ZNF804A: variants seen among roughly 807,000 people sequenced by gnomAD.
ZNF804A encodes zinc finger protein 804A.
In ZNF804A, 2 loss-of-function variants were observed where a neutral mutation model predicts 16.5. That is an observed-to-expected ratio of 0.12 (90% confidence interval 0.05 to 0.38). The LOEUF (loss-of-function observed/expected upper bound fraction) is 0.38, where lower values mean the gene tolerates loss of function less well. ZNF804A is among the 10% of genes least tolerant of loss of function. The probability of loss-of-function intolerance (pLI) is 0.99; values close to 1 mark genes in which losing one functional copy is unlikely to be tolerated. For synonymous variants in ZNF804A, 534 were observed against 489.6 expected, an observed-to-expected ratio of 1.09 and a Z score of -1.20; for missense variants, 1,473 against 1,390.7, an observed-to-expected ratio of 1.06 and a Z score of -0.94.
At chr2:184,874,275 C>T (rs970865651) in intron 2 of ZNF804A, among the ~76,000 whole-genome samples, 3 of 151,960 alleles carry the variant, frequency 2.0e-5, no homozygotes, top group African/African-American at 4.8e-5. Context: ...CCATAGGAGA[C>T]GTAACCATGT....
chr2:184,680,518 C>T (rs184277446), intron 1 of ZNF804A, among the ~76,000 whole-genome samples: 25 of 152,342 alleles, frequency 1.6e-4, no homozygotes, highest in Non-Finnish European at 3.4e-4. Context: ...TGCAAAAGAG[C>T]CACCTGCCTG....
intron 1 of ZNF804A, among the ~76,000 whole-genome samples, chr2:184,727,220 C>T (rs1453913996): frequency 6.6e-6 from 1 of 151,510 alleles, no homozygotes; most frequent in Non-Finnish European, 1.5e-5. Context: ...TTATAAAATA[C>T]CACATTAACC....
intron 1 of ZNF804A, among the ~76,000 whole-genome samples, chr2:184,616,517 C>A (rs1691323097): frequency 6.6e-6 from 1 of 152,050 alleles, no homozygotes; most frequent in Non-Finnish European, 1.5e-5. Flanking sequence ...ACGATTATTT[C>A]CATCTTATAG....
chr2:184,674,793 T>C (rs887860997), intron 1 of ZNF804A, among the ~76,000 whole-genome samples: 1 of 52,660 alleles, frequency 1.9e-5, no homozygotes, highest in African/African-American at 4.7e-5. Context: ...ATTTTCCAAG[T>C]CTAAAAAAAG....
intron 1 of ZNF804A, among the ~76,000 whole-genome samples, chr2:184,745,910 T>A (rs1693783026): frequency 6.6e-6 from 1 of 151,668 alleles, no homozygotes; most frequent in Non-Finnish European, 1.5e-5. Flanking sequence ...AGTGTATGAA[T>A]TATTTAAAGT....
At chr2:184,818,800 T>A (rs1695024992) in intron 1 of ZNF804A, among the ~76,000 whole-genome samples, 2 of 150,480 alleles carry the variant, frequency 1.3e-5, no homozygotes, top group African/African-American at 4.9e-5. Context: ...TGGAAAAAAA[T>A]AAAAAAGACA....
At position 184,937,249 on chromosome 2, in the gene ZNF804A, G is replaced by A; in HGVS notation, c.1853G>A (p.Cys618Tyr). 3 of 1,611,736 alleles carry A rather than the reference G, an allele frequency of 1.9e-6. No homozygotes were observed. Among genetic ancestry groups the A allele is most frequent in the Non-Finnish European group, 2.5e-6 (3 of 1,179,404 alleles). Residue 618 changes from cysteine (C) to tyrosine (Y), a missense_variant, in exon 4 of 4, where the codon TGC (cysteine) becomes TAC (tyrosine). Transcript: ENST00000302277. ...AAAACCAAAGAATCAGAAACTCGCTGCAAAATGGAAGCAGAGAATAGTTAC... is the reference window on the plus strand; with the variant it reads ...AAAACCAAAGAATCAGAAACTCGCTACAAAATGGAAGCAGAGAATAGTTAC... ...MEKTKESETR[C>Y]KMEAENSYTE... is the part of the protein sequence containing the mutation.
chr2:184,646,915 G>C (rs562029600), intron 1 of ZNF804A, among the ~76,000 whole-genome samples: 2 of 152,292 alleles, frequency 1.3e-5, no homozygotes, highest in South Asian at 4.1e-4. Flanking sequence ...GCCACCTGGG[G>C]AGTGAGCAGG....
intron 1 of ZNF804A, among the ~76,000 whole-genome samples, chr2:184,655,822 A>G (rs1343895794): frequency 1.3e-5 from 2 of 152,162 alleles, no homozygotes; most frequent in Non-Finnish European, 2.9e-5. Context: ...TAAAAAAGAA[A>G]GAAAATAGAA....
chr2:184,736,878 T>A (rs1363310140), intron 1 of ZNF804A, among the ~76,000 whole-genome samples: 3 of 150,556 alleles, frequency 2.0e-5, no homozygotes, highest in Non-Finnish European at 4.4e-5. Flanking sequence ...TTTTTCTGCA[T>A]AAAGCACTGG....
At chr2:184,694,317 G>A (rs1207915455) in intron 1 of ZNF804A, among the ~76,000 whole-genome samples, 2 of 151,988 alleles carry the variant, frequency 1.3e-5, no homozygotes, top group African/African-American at 2.4e-5. Flanking sequence ...AAATTTCAGT[G>A]TCAAATGGAG....
chr2:184,864,521 T>A (rs956604091), intron 1 of ZNF804A, among the ~76,000 whole-genome samples: 1 of 152,186 alleles, frequency 6.6e-6, no homozygotes, highest in Non-Finnish European at 1.5e-5. Context: ...TAGATTATTA[T>A]CTTTAAAATG....
chr2:184,703,783 A>ATGAATGC (rs779311730), intron 1 of ZNF804A, among the ~76,000 whole-genome samples: 5 of 151,950 alleles, frequency 3.3e-5, no homozygotes, highest in Non-Finnish European at 7.4e-5. Flanking sequence ...TATATTTTGA[A>ATGAATGC]TGAATGCTGC....
intron 1 of ZNF804A, among the ~76,000 whole-genome samples, chr2:184,770,051 T>C (rs1004448443): frequency 2.6e-5 from 4 of 152,110 alleles, no homozygotes; most frequent in African/African-American, 7.2e-5. Flanking sequence ...AGCTTAAGTA[T>C]ATATACAGTT....
intron 1 of ZNF804A, among the ~76,000 whole-genome samples, chr2:184,667,627 G>A (rs1204406686): frequency 2.6e-5 from 4 of 151,740 alleles, no homozygotes; most frequent in Admixed American, 1.3e-4. Context: ...AGGAAATTTA[G>A]AAAATGCCAT....
rs956961870 is a variant in ZNF804A at position 184,609,785 on chromosome 2, T to C, written c.111+10715T>C. On this transcript the variant is annotated intron_variant, in intron 1 of 3. Coordinates refer to ENST00000302277, the MANE Select transcript of ZNF804A (RefSeq NM_194250.2). The stretch of plus-strand genomic sequence containing the variant: ...GGCTTCATCTTCTAATACCATCACA[T>C]TGGGAGTTAGGATTTCAGCATATGT... Among the ~76,000 whole-genome samples, 5 of 152,340 alleles carry C rather than the reference T, an allele frequency of 3.3e-5. No homozygotes were observed. The East Asian group carries it at 9.7e-4, about 29-fold the overall frequency.
chr2:184,680,629 T>G (rs562343307), intron 1 of ZNF804A, among the ~76,000 whole-genome samples: 60 of 152,248 alleles, frequency 3.9e-4, no homozygotes, highest in Admixed American at 6.5e-4. Context: ...CGCTGAGCTG[T>G]ATTGTCACTC....
rs578029288 is a variant in ZNF804A at position 184,930,777 on chromosome 2, T to C, written c.256-2826T>C. On this transcript the variant is annotated intron_variant, in intron 2 of 3. Transcript: ENST00000302277. Reference sequence around the variant, plus strand: ...AACAGAAATGTTATAAACCAGGTATTGTTCTAAGTTCCTGGTACACATAAG... The same window carrying C: ...AACAGAAATGTTATAAACCAGGTATCGTTCTAAGTTCCTGGTACACATAAG... 7.8e-4 allele frequency among the ~76,000 whole-genome samples: 119 copies of C among 152,354 alleles called. 1 individual carries two copies. The highest frequency in any genetic ancestry group is 6.5e-5 in the Admixed American group (1 of 15,296).
At chr2:184,629,264 G>T (rs1691564260) in intron 1 of ZNF804A, among the ~76,000 whole-genome samples, 1 of 151,704 alleles carries the variant, frequency 6.6e-6, no homozygotes, top group Non-Finnish European at 1.5e-5. Context: ...TAATAATAAT[G>T]TTATTTTTTT....
Sources: allele counts gnomAD v4.1 joint callset (sites outside exome capture counted in the v4.1 genomes callset), GRCh38; gene constraint gnomAD v4.1.1; transcripts MANE v1.5; gene names NCBI Gene and HGNC (gene_info 2026-07-23, HGNC 2026-07-21).